The following MARCHF8 variants were observed in gnomAD, a reference collection of about 807,000 sequenced individuals.
MARCHF8 encodes the protein membrane associated ring-CH-type finger 8, also known as E3 ubiquitin-protein ligase MARCHF8.
In MARCHF8, 40 loss-of-function variants were observed where a neutral mutation model predicts 51.6. That is an observed-to-expected ratio of 0.77 (90% CI 0.60 to 1.01). The LOEUF is 1.01. MARCHF8 is among the 50% of genes least tolerant of loss of function. The pLI, the probability that MARCHF8 is intolerant of heterozygous loss-of-function variation, is 0.00. For missense variants in MARCHF8, 685 were observed against 708.6 expected (o/e 0.97, Z 0.38); for synonymous variants, 263 against 280.3 (o/e 0.94, Z 0.62).
chr10:45,489,019 A>G (rs988117196), intron 3 of MARCHF8, among the ~76,000 whole-genome samples: 2 of 152,122 alleles, frequency 1.3e-5, no homozygotes, highest in African/African-American at 4.8e-5. Flanking sequence ...ATAAATCCAT[A>G]ATTATGTAAG....
chr10:45,484,521 T>C (rs1328355573), intron 3 of MARCHF8, among the ~76,000 whole-genome samples: 1 of 152,204 alleles, frequency 6.6e-6, no homozygotes, highest in Admixed American at 6.5e-5. Context: ...AAACAGATTT[T>C]TTTCCAAGGG....
chr10:45,519,855 T>C (rs1032628068), intron 2 of MARCHF8, among the ~76,000 whole-genome samples: 2 of 152,148 alleles, frequency 1.3e-5, no homozygotes, highest in South Asian at 2.1e-4. Flanking sequence ...TCAGTAAAAC[T>C]TATTGATGAG....
At chr10:45,483,368 G>T (rs533696398) in intron 3 of MARCHF8, among the ~76,000 whole-genome samples, 1 of 152,270 alleles carries the variant, frequency 6.6e-6, no homozygotes, top group Non-Finnish European at 1.5e-5. Context: ...GTAAATGACC[G>T]ACAGCTGCAT....
chr10:45,560,701 C>G (rs974204640), intron 1 of MARCHF8, among the ~76,000 whole-genome samples: 3 of 152,166 alleles, frequency 2.0e-5, no homozygotes, highest in Admixed American at 2.0e-4. Flanking sequence ...CCAGGGTCTG[C>G]GGGTCGGACC....
chr10:45,461,013 AAAG>A (rs569461128), intron 6 of MARCHF8: 39 of 400,740 alleles, frequency 9.7e-5, no homozygotes, highest in Non-Finnish European at 1.3e-4. Context: ...TTTGAAGGGA[AAAG>A]AAGGATTATG....
chr10:45,478,281 T>A (rs1379314762), intron 3 of MARCHF8, among the ~76,000 whole-genome samples: 2 of 152,150 alleles, frequency 1.3e-5, no homozygotes, highest in Non-Finnish European at 2.9e-5. Flanking sequence ...TTAAACAACA[T>A]GCTCCTCAAT....
chr10:45,466,414 C>A (rs765131178), intron 3 of MARCHF8, among the ~76,000 whole-genome samples: 1 of 152,168 alleles, frequency 6.6e-6, no homozygotes, highest in African/African-American at 2.4e-5. Flanking sequence ...GAGAAGTAAG[C>A]GTCTTCATCA....
chr10:45,566,576 A>G (rs965856529), intron 1 of MARCHF8, among the ~76,000 whole-genome samples: 1 of 152,186 alleles, frequency 6.6e-6, no homozygotes, highest in Non-Finnish European at 1.5e-5. Flanking sequence ...CTCCAGTTCC[A>G]TCCATATTGC....
intron 3 of MARCHF8, among the ~76,000 whole-genome samples, chr10:45,488,898 A>G (rs12773263): frequency 0.062 from 9,402 of 152,202 alleles, 331 homozygotes; most frequent in Non-Finnish European, 0.067. Context: ...CCCTAGGTCC[A>G]TGCGGGTTAC....
In MARCHF8 at chr10:45,561,384, TCTGCCTGAGC is replaced by T. The variant is rs2044308828; in HGVS notation, c.-78-28105_-78-28096del. On this transcript the variant is annotated intron_variant, in intron 1 of 6. Coordinates refer to the MARCHF8 transcript ENST00000319836. Reference sequence around the variant, plus strand: ...CCATCTCCTGAGCTCAAGCAATTCTTCTGCCTGAGCCTCCCAAGTAGCTGGGATTACAGGC... The same window carrying T: ...CCATCTCCTGAGCTCAAGCAATTCTTCTCCCAAGTAGCTGGGATTACAGGC... Among the ~76,000 whole-genome samples the T allele has an allele frequency of 4.6e-5, 7 of 151,558 alleles. 1 individual carries two copies. Among genetic ancestry groups the T allele is most frequent in the Admixed American group, 4.6e-4 (7 of 15,240 alleles).
intron 1 of MARCHF8, among the ~76,000 whole-genome samples, chr10:45,549,328 A>G (rs1297048124): frequency 1.3e-5 from 2 of 152,216 alleles, no homozygotes; most frequent in Non-Finnish European, 1.5e-5. Context: ...TTGAACAGCC[A>G]TGATTTCCTA....
At chr10:45,545,005 T>C (rs560727843) in intron 1 of MARCHF8, among the ~76,000 whole-genome samples, 2 of 152,208 alleles carry the variant, frequency 1.3e-5, no homozygotes, top group Admixed American at 6.5e-5. Context: ...TATATGGTAT[T>C]CTCTGCCTGC....
At chr10:45,548,995 CAAAAAA>C (rs34591285) in intron 1 of MARCHF8, among the ~76,000 whole-genome samples, 1 of 110,316 alleles carries the variant, frequency 9.1e-6, no homozygotes, top group African/African-American at 3.5e-5. Context: ...GACTCCATCT[CAAAAAA>C]AAAAAAAAAG....
In MARCHF8 at chr10:45,488,526, C is replaced by CTA. The variant is rs570839390; in HGVS notation, c.153+839_153+840dup. 2.3e-3 allele frequency among the ~76,000 whole-genome samples: 348 copies of CTA among 152,238 alleles called. 3 individuals are homozygous for CTA. The highest frequency in any genetic ancestry group is 7.9e-3 in the African/African-American group (329 of 41,536). ...GACCAACTCAGCATTCCCCTGGAGA[C>CTA]TATATGATCAAACAGCAAACCGTTC... On this transcript the variant is annotated intron_variant, in intron 3 of 7. Coordinates refer to ENST00000453424, the MANE Select transcript of MARCHF8 (RefSeq NM_001282866.2).
Position 45,463,782 on chromosome 10 carries a change from T to G in MARCHF8, c.457A>C (p.Lys153Gln). Residue 153 changes from lysine (K) to glutamine (Q), a missense_variant, in exon 5 of 8, where the codon AAG (lysine) becomes CAG (glutamine). Coordinates refer to ENST00000453424, the MANE Select transcript of MARCHF8 (RefSeq NM_001282866.2). Reference protein sequence around the residue: ...AKNTKARRTLKFSRSLNDVGE... With the variant: ...AKNTKARRTLQFSRSLNDVGE... ...ACATCATTGAGGGACCTTGAGAACT[T>G]TAGTGTTCTTCTGGCTTTGGTATTC... 6.4e-7 allele frequency: 1 copy of G among 1,550,984 alleles called. No homozygotes were observed. Among genetic ancestry groups the G allele is most frequent in the Non-Finnish European group, 8.7e-7 (1 of 1,147,138 alleles).
intron 2 of MARCHF8, among the ~76,000 whole-genome samples, chr10:45,522,431 A>G (rs1448099074): frequency 6.6e-6 from 1 of 150,914 alleles, no homozygotes; most frequent in Non-Finnish European, 1.5e-5. Context: ...AATTAGATGA[A>G]AAGACCTTTG....
chr10:45,581,882 A>G (rs1039415712), intron 1 of MARCHF8, among the ~76,000 whole-genome samples: 1 of 152,030 alleles, frequency 6.6e-6, no homozygotes, highest in African/African-American at 2.4e-5. Flanking sequence ...ATCAAGAACT[A>G]CACAAGACTT....
intron 3 of MARCHF8, among the ~76,000 whole-genome samples, chr10:45,484,455 G>C (rs558690290): frequency 1.5e-4 from 23 of 152,288 alleles, no homozygotes; most frequent in African/African-American, 5.5e-4. Context: ...TTTGTATAAA[G>C]CATGTCACCT....
intron 2 of MARCHF8, among the ~76,000 whole-genome samples, chr10:45,529,868 G>A (rs2043849355): frequency 6.6e-6 from 1 of 152,158 alleles, no homozygotes; most frequent in Non-Finnish European, 1.5e-5. Flanking sequence ...AGCTGCTATG[G>A]AAAACAATAT....
Sources: allele counts gnomAD v4.1 joint callset (sites outside exome capture counted in the v4.1 genomes callset), GRCh38; gene constraint gnomAD v4.1.1; transcripts MANE v1.5; gene names NCBI Gene and HGNC (gene_info 2026-07-23, HGNC 2026-07-21).